Variants in HMGCLL1 observed in about 807,000 individuals in gnomAD.
HMGCLL1 encodes 3-hydroxymethyl-3-methylglutaryl-CoA lyase, cytoplasmic.
Under a neutral mutation model 39.1 loss-of-function variants are expected in HMGCLL1, and 36 were observed. That is an observed-to-expected ratio of 0.92 (90% confidence interval 0.71 to 1.22). HMGCLL1 has a LOEUF of 1.22. HMGCLL1 is among the 50% of genes most tolerant of loss of function. The pLI is 0.00. For missense variants in HMGCLL1, 451 were observed against 416.5 expected, an observed-to-expected ratio of 1.08 and a Z score of -0.72; for synonymous variants, 149 against 144.0, an observed-to-expected ratio of 1.03 and a Z score of -0.25.
At chr6:55,563,896 G>A (rs577215228) in intron 1 of HMGCLL1, 1 of 1,287,864 alleles carries the variant, frequency 7.8e-7, no homozygotes, top group South Asian at 1.2e-5. Context: ...TGCAGCATCA[G>A]CATCACAGAC....
chr6:55,606,764 G>C, the HMGCLL1 span, among the ~76,000 whole-genome samples: 2 of 151,996 alleles, frequency 1.3e-5, no homozygotes, highest in South Asian at 2.1e-4. Flanking sequence ...GGGACTTTAC[G>C]CATGTGATTA....
chr6:55,585,402 G>A, the HMGCLL1 span, among the ~76,000 whole-genome samples: 2 of 152,056 alleles, frequency 1.3e-5, no homozygotes, highest in Non-Finnish European at 1.5e-5. Context: ...CATATTTTTT[G>A]CCAACAGATA....
intron 7 of HMGCLL1, among the ~76,000 whole-genome samples, chr6:55,461,428 T>G (rs1764560966): frequency 6.6e-6 from 1 of 152,028 alleles, no homozygotes; most frequent in Non-Finnish European, 1.5e-5. Flanking sequence ...CCATGAAAGT[T>G]TGGCTAGAGT....
chr6:55,646,986 T>A, the HMGCLL1 span, among the ~76,000 whole-genome samples: 2 of 152,042 alleles, frequency 1.3e-5, no homozygotes, highest in African/African-American at 4.8e-5. Flanking sequence ...AGTAGGGTGC[T>A]GCAGTCTCCA....
At chr6:55,524,656 T>C (rs1768218883) in intron 3 of HMGCLL1, among the ~76,000 whole-genome samples, 1 of 151,868 alleles carries the variant, frequency 6.6e-6, no homozygotes, top group South Asian at 2.1e-4. Flanking sequence ...AGGGCATAGA[T>C]AGTGGTAAAT....
chr6:55,568,882 T>C (rs1771339550), intron 1 of HMGCLL1, among the ~76,000 whole-genome samples: 1 of 148,800 alleles, frequency 6.7e-6, no homozygotes, highest in Non-Finnish European at 1.5e-5. Flanking sequence ...CACAAACAGC[T>C]AAACTTGGAA....
chr6:55,469,096 T>C (rs1328638538), intron 7 of HMGCLL1, among the ~76,000 whole-genome samples: 1 of 150,840 alleles, frequency 6.6e-6, no homozygotes, highest in Non-Finnish European at 1.5e-5. Context: ...ATGTTGAAAT[T>C]AGAACAAATA....
chr6:55,539,469 G>C (rs1408285726), intron 3 of HMGCLL1, among the ~76,000 whole-genome samples: 5 of 152,068 alleles, frequency 3.3e-5, no homozygotes, highest in Non-Finnish European at 5.9e-5. Context: ...TCTGGATAAA[G>C]ATAATGTACT....
At chr6:55,589,315 C>T in the HMGCLL1 span, among the ~76,000 whole-genome samples, 1 of 152,150 alleles carries the variant, frequency 6.6e-6, no homozygotes, top group African/African-American at 2.4e-5. Flanking sequence ...ACGATTATCT[C>T]AATAGATGCA....
chr6:55,663,760 T>C, the HMGCLL1 span, among the ~76,000 whole-genome samples: 1 of 151,794 alleles, frequency 6.6e-6, no homozygotes, highest in African/African-American at 2.4e-5. Flanking sequence ...GATCTACTAC[T>C]GTCAGTGGAG....
At chr6:55,486,714 C>G (rs1766051274) in intron 7 of HMGCLL1, among the ~76,000 whole-genome samples, 1 of 152,128 alleles carries the variant, frequency 6.6e-6, no homozygotes, top group Non-Finnish European at 1.5e-5. Context: ...AATAACCTCT[C>G]TCATATGATT....
chr6:55,576,946 T>G (rs993701239), intron 1 of HMGCLL1: 2 of 1,235,210 alleles, frequency 1.6e-6, no homozygotes, highest in Admixed American at 2.1e-5. Flanking sequence ...GGACTGGAAT[T>G]CAAGAGAAAT....
chr6:55,608,585 C>T, the HMGCLL1 span, among the ~76,000 whole-genome samples: 44 of 152,122 alleles, frequency 2.9e-4, no homozygotes, highest in Non-Finnish European at 5.0e-4. Context: ...AAAAGCCTGA[C>T]TCATTATGAT....
intron 7 of HMGCLL1, among the ~76,000 whole-genome samples, chr6:55,459,198 G>A (rs1245376449): frequency 6.6e-6 from 1 of 151,894 alleles, no homozygotes; most frequent in Non-Finnish European, 1.5e-5. Context: ...ACTCACAAAA[G>A]GCTTACCACA....
At chr6:55,592,611 A>T in the HMGCLL1 span, among the ~76,000 whole-genome samples, 1 of 152,074 alleles carries the variant, frequency 6.6e-6, no homozygotes, top group Non-Finnish European at 1.5e-5. Context: ...GTAGCCTCTG[A>T]GATGTAACAA....
At chr6:55,656,187 G>C in the HMGCLL1 span, among the ~76,000 whole-genome samples, 1 of 151,676 alleles carries the variant, frequency 6.6e-6, no homozygotes, top group African/African-American at 2.4e-5. Flanking sequence ...CTACCTCACT[G>C]AATAACATCA....
chr6:55,438,453 A>G (rs1763458212), intron 8 of HMGCLL1, among the ~76,000 whole-genome samples: 1 of 152,094 alleles, frequency 6.6e-6, no homozygotes, highest in East Asian at 1.9e-4. Flanking sequence ...GTTCAGAGGA[A>G]AACATGAAAA....
At chr6:55,485,861 T>C (rs1266744558) in intron 7 of HMGCLL1, among the ~76,000 whole-genome samples, 2 of 151,768 alleles carry the variant, frequency 1.3e-5, no homozygotes, top group African/African-American at 4.8e-5. Context: ...AAATAGCCTC[T>C]CTAAAAACCC....
intron 7 of HMGCLL1, among the ~76,000 whole-genome samples, chr6:55,470,095 T>C (rs1311318482): frequency 2.0e-5 from 3 of 151,916 alleles, no homozygotes; most frequent in Admixed American, 6.6e-5. Flanking sequence ...CTAAGAGTCG[T>C]TCCTTGCTGA....
Sources: allele counts gnomAD v4.1 joint callset (sites outside exome capture counted in the v4.1 genomes callset), GRCh38; gene constraint gnomAD v4.1.1; transcripts MANE v1.5; gene names NCBI Gene and HGNC (gene_info 2026-07-23, HGNC 2026-07-21).